GRM5: variants seen among roughly 807,000 people sequenced by gnomAD.
The protein encoded by GRM5 is glutamate metabotropic receptor 5, also known as metabotropic glutamate receptor 5.
Under a neutral mutation model 83.1 loss-of-function variants are expected in GRM5, and 19 were observed. That is an observed-to-expected ratio of 0.23 (90% confidence interval 0.16 to 0.34). The LOEUF (loss-of-function observed/expected upper bound fraction) is 0.34. GRM5 is among the 10% of genes least tolerant of loss of function. The pLI, the probability that GRM5 is intolerant of heterozygous loss-of-function variation, is 1.00. For missense variants in GRM5, 1,160 were observed against 1,588.3 expected (o/e 0.73, Z 4.58); for synonymous variants, 675 against 633.6 (o/e 1.07, Z -0.98).
chr11:88,858,309 A>G (rs1944507042), intron 2 of GRM5, among the ~76,000 whole-genome samples: 1 of 152,128 alleles, frequency 6.6e-6, no homozygotes, highest in Non-Finnish European at 1.5e-5. Context: ...TAGATAAGTT[A>G]TAAGTTTATA....
chr11:88,940,983 C>T (rs2135665200), intron 2 of GRM5, among the ~76,000 whole-genome samples: 1 of 151,976 alleles, frequency 6.6e-6, no homozygotes, highest in Middle Eastern at 3.4e-3. Context: ...AGTTTTCCCC[C>T]TAACTCTATC....
intron 3 of GRM5, among the ~76,000 whole-genome samples, chr11:88,720,596 A>T (rs1277074148): frequency 2.0e-5 from 3 of 152,120 alleles, no homozygotes; most frequent in Non-Finnish European, 2.9e-5. Context: ...CAATGCAGAA[A>T]AAAACAGCTA....
chr11:88,623,111 G>A (rs184743904), intron 4 of GRM5, among the ~76,000 whole-genome samples: 1 of 152,026 alleles, frequency 6.6e-6, no homozygotes, highest in Non-Finnish European at 1.5e-5. Context: ...TTGAGACAGA[G>A]TTTCACTCTT....
chr11:88,865,667 A>G (rs372789886), intron 2 of GRM5, among the ~76,000 whole-genome samples: 11 of 152,116 alleles, frequency 7.2e-5, no homozygotes, highest in African/African-American at 2.7e-4. Flanking sequence ...TCCATCTGAC[A>G]AAGGACTAAT....
intron 8 of GRM5, among the ~76,000 whole-genome samples, chr11:88,526,113 C>T (rs1941869320): frequency 6.6e-6 from 1 of 152,176 alleles, no homozygotes; most frequent in South Asian, 2.1e-4. Context: ...TTAAAAGTTT[C>T]TGTAAACATT....
chr11:88,699,264 T>G (rs1468543708), intron 3 of GRM5, among the ~76,000 whole-genome samples: 1 of 152,154 alleles, frequency 6.6e-6, no homozygotes, highest in Non-Finnish European at 1.5e-5. Flanking sequence ...AACCTAACTT[T>G]TCACTACAGC....
intron 2 of GRM5, chr11:89,009,207 A>C: frequency 1.7e-6 from 1 of 601,064 alleles, no homozygotes; most frequent in Non-Finnish European, 3.0e-6. Context: ...GTAAGTTGAC[A>C]TATTAGCATA....
At chr11:88,631,931 T>C (rs1938980246) in intron 4 of GRM5, among the ~76,000 whole-genome samples, 1 of 152,226 alleles carries the variant, frequency 6.6e-6, no homozygotes, top group Non-Finnish European at 1.5e-5. Flanking sequence ...TTTATAGATA[T>C]ATATGTATAA....
intron 2 of GRM5, among the ~76,000 whole-genome samples, chr11:88,928,907 T>TATACACACAC (rs369951090): frequency 0.03 from 4,134 of 138,718 alleles, 99 homozygotes; most frequent in Non-Finnish European, 0.043. Flanking sequence ...TATGTGTATA[T>TATACACACAC]ACACACACAC....
At chr11:88,770,903 G>T (rs1201396748) in intron 3 of GRM5, among the ~76,000 whole-genome samples, 2 of 152,056 alleles carry the variant, frequency 1.3e-5, no homozygotes, top group Non-Finnish European at 2.9e-5. Flanking sequence ...CGTCAGAATG[G>T]ATTCCTGGAC....
At chr11:88,994,486 T>TATATATATA (rs1940109460) in intron 2 of GRM5, among the ~76,000 whole-genome samples, 5 of 126,242 alleles carry the variant, frequency 4.0e-5, no homozygotes, top group South Asian at 2.6e-4. Context: ...TATATATATA[T>TATATATATA]TACAATTGCT....
chr11:88,574,165 G>A (rs796908434), intron 7 of GRM5, among the ~76,000 whole-genome samples: 3 of 152,134 alleles, frequency 2.0e-5, no homozygotes, highest in African/African-American at 7.2e-5. Flanking sequence ...CACACAAACG[G>A]GTCCTCAGTA....
At chr11:88,884,667 A>C (rs1356032755) in intron 2 of GRM5, among the ~76,000 whole-genome samples, 3 of 152,166 alleles carry the variant, frequency 2.0e-5, no homozygotes, top group Non-Finnish European at 4.4e-5. Flanking sequence ...GTGTCATGAG[A>C]GGGACCCAGT....
At chr11:88,990,001 T>A (rs369681566) in intron 2 of GRM5, among the ~76,000 whole-genome samples, 3,819 of 151,386 alleles carry the variant, frequency 0.025, 66 homozygotes, top group Middle Eastern at 0.065. Context: ...AGGCAAGAAA[T>A]AATTAAAATC....
At chr11:88,601,571 C>T (rs1343906833) in intron 5 of GRM5, among the ~76,000 whole-genome samples, 1 of 152,052 alleles carries the variant, frequency 6.6e-6, no homozygotes, top group Non-Finnish European at 1.5e-5. Flanking sequence ...TGGCTTTGTG[C>T]AATTTCAAAT....
intron 3 of GRM5, among the ~76,000 whole-genome samples, chr11:88,824,841 A>G (rs1943867081): frequency 6.6e-6 from 1 of 152,138 alleles, no homozygotes; most frequent in African/African-American, 2.4e-5. Context: ...GTGTGTGTAG[A>G]CGGGTATGCA....
chr11:88,713,504 A>G (rs960978153), intron 3 of GRM5, among the ~76,000 whole-genome samples: 12 of 152,150 alleles, frequency 7.9e-5, no homozygotes, highest in South Asian at 2.1e-4. Context: ...AGGACACACA[A>G]AGAAACAGAT....
chr11:88,600,712 A>T (rs1349147108), intron 5 of GRM5, among the ~76,000 whole-genome samples: 2 of 152,206 alleles, frequency 1.3e-5, no homozygotes, highest in African/African-American at 4.8e-5. Context: ...TTCAGATGAT[A>T]ATGAGGGATT....
chr11:88,603,338 T>C (rs567670482), intron 5 of GRM5, among the ~76,000 whole-genome samples: 1 of 152,304 alleles, frequency 6.6e-6, no homozygotes, highest in Non-Finnish European at 1.5e-5. Flanking sequence ...AGTCATCAGA[T>C]TCTATCAGCA....
Sources: gnomAD v4.1 joint callset for allele counts (sites outside exome capture counted in the v4.1 genomes callset) on GRCh38, gnomAD v4.1.1 for gene constraint, MANE v1.5 for transcripts, NCBI Gene and HGNC (gene_info 2026-07-23, HGNC 2026-07-21) for gene names.